NOSTRIN: variants seen among roughly 807,000 people sequenced by gnomAD.
NOSTRIN encodes the protein BM247 homolog.
NOSTRIN carries 63 observed loss-of-function variants against 59.0 expected under a neutral mutation model. The observed-to-expected ratio is 1.07, with a 90% CI of 0.87 to 1.32. The LOEUF is 1.32. Among genes scored for constraint, NOSTRIN ranks in the 40% most tolerant of loss-of-function variants. The pLI is 0.00. For missense variants in NOSTRIN, 512 were observed against 473.1 expected (o/e 1.08, Z -0.76); for synonymous variants, 200 against 165.4 (o/e 1.21, Z -1.61).
chr2:168,797,328 C>T (rs974810454), upstream of NOSTRIN, among the ~76,000 whole-genome samples: 1 of 151,990 alleles, frequency 6.6e-6, no homozygotes, highest in Non-Finnish European at 1.5e-5. Flanking sequence ...AACTCCTGGG[C>T]TCAAGCAACC....
At chr2:168,793,154 T>C (rs770343249), upstream of NOSTRIN, among the ~76,000 whole-genome samples, 4 of 152,202 alleles carry the variant, frequency 2.6e-5, no homozygotes, top group Non-Finnish European at 4.4e-5. Flanking sequence ...CCAGTCTTGC[T>C]GGTTCCATTT....
upstream of NOSTRIN, chr2:168,801,276 A>T (rs1456684507): frequency 7.6e-5 from 11 of 145,132 alleles, no homozygotes; most frequent in Non-Finnish European, 1.2e-4. Flanking sequence ...TTTTTTTTAG[A>T]AGTAGAGTCT....
intron 1 of NOSTRIN, among the ~76,000 whole-genome samples, chr2:168,804,680 G>T (rs547834658): frequency 6.6e-6 from 1 of 152,084 alleles, no homozygotes; most frequent in African/African-American, 2.4e-5. Flanking sequence ...AGTTCATAAA[G>T]TATTAGCTTA....
chr2:168,798,931 A>G (rs1411722251), upstream of NOSTRIN, among the ~76,000 whole-genome samples: 1 of 152,096 alleles, frequency 6.6e-6, no homozygotes, highest in Non-Finnish European at 1.5e-5. Flanking sequence ...CAGAGAGGGG[A>G]GTATGGGGCT....
At chr2:168,791,686 A>T (rs1371949573) in intron 2 of NOSTRIN, among the ~76,000 whole-genome samples, 1 of 152,116 alleles carries the variant, frequency 6.6e-6, no homozygotes, top group Non-Finnish European at 1.5e-5. Flanking sequence ...TCACCATTCT[A>T]ACTGGTGTGA....
chr2:168,795,797 T>C (rs1685463811), upstream of NOSTRIN, among the ~76,000 whole-genome samples: 1 of 152,208 alleles, frequency 6.6e-6, no homozygotes, highest in African/African-American at 2.4e-5. Context: ...AGCATAAAAG[T>C]TACCTTAGAT....
chr2:168,856,915 G>A (rs1689160436), intron 12 of NOSTRIN, 137 bp downstream of exon 12: 2 of 718,098 alleles, frequency 2.8e-6, no homozygotes, highest in South Asian at 1.8e-5. Context: ...GAGCTTATAG[G>A]GTCAGCTTCA....
chr2:168,832,824 G>A (rs1687442340), intron 6 of NOSTRIN, among the ~76,000 whole-genome samples: 1 of 152,104 alleles, frequency 6.6e-6, no homozygotes, highest in Non-Finnish European at 1.5e-5. Context: ...GTCTTGCTAT[G>A]TTGCCCAGGC....
chr2:168,817,656 G>A (rs1686485770), intron 2 of NOSTRIN, among the ~76,000 whole-genome samples: 1 of 152,148 alleles, frequency 6.6e-6, no homozygotes. Context: ...AGGCTCTGAA[G>A]TTCTAGAGCT....
At chr2:168,809,470 T>C (rs1409916688) in intron 1 of NOSTRIN, among the ~76,000 whole-genome samples, 1 of 152,180 alleles carries the variant, frequency 6.6e-6, no homozygotes, top group Non-Finnish European at 1.5e-5. Context: ...GGCATTTTCT[T>C]CTCATGACAC....
At chr2:168,860,772 G>T in intron 13 of NOSTRIN, 23 bp from the exon 14 acceptor site, 1 of 1,385,662 alleles carries the variant, frequency 7.2e-7, no homozygotes, top group South Asian at 1.2e-5. Context: ...TACAAAATAT[G>T]ACTTTTTATG....
chr2:168,864,640 T>G (rs62176769), intron 15 of NOSTRIN, among the ~76,000 whole-genome samples, 194 bp from the exon 16 acceptor site: 16,101 of 152,232 alleles, frequency 0.11, 1,549 homozygotes, highest in African/African-American at 0.26. Flanking sequence ...ATTATCTTAC[T>G]CTTTTTAGTA....
intron 11 of NOSTRIN, chr2:168,855,729 A>C (rs1689060309): frequency 2.3e-6 from 1 of 427,076 alleles, no homozygotes; most frequent in Non-Finnish European, 4.2e-6. Flanking sequence ...GTAGCATTTT[A>C]ACTGTGTTTC....
chr2:168,815,787 T>C (rs1017428827), intron 2 of NOSTRIN, among the ~76,000 whole-genome samples: 4 of 152,208 alleles, frequency 2.6e-5, no homozygotes, highest in African/African-American at 9.7e-5. Context: ...CACAGTATAT[T>C]GGACATCTCC....
chr2:168,833,508 C>G (rs779670432), intron 6 of NOSTRIN, among the ~76,000 whole-genome samples: 1 of 152,222 alleles, frequency 6.6e-6, no homozygotes. Context: ...CCTGAACAGG[C>G]TAAATCCAAC....
At chr2:168,834,542 C>CACACACACACACACCA (rs1553527195) in intron 7 of NOSTRIN, among the ~76,000 whole-genome samples, 2 of 105,614 alleles carry the variant, frequency 1.9e-5, no homozygotes, top group Admixed American at 8.3e-5. Flanking sequence ...CACACACACA[C>CACACACACACACACCA]CACATACATT....
chr2:168,807,373 A>G (rs1408809409), intron 1 of NOSTRIN, among the ~76,000 whole-genome samples: 1 of 152,250 alleles, frequency 6.6e-6, no homozygotes, highest in East Asian at 1.9e-4. Flanking sequence ...GTCTCAGTAG[A>G]TGGTACATAA....
At chr2:168,834,509 A>ACG (rs1466856410) in intron 7 of NOSTRIN, among the ~76,000 whole-genome samples, 184 bp downstream of exon 7, 621 of 41,698 alleles carry the variant, frequency 0.015, 2 homozygotes, top group Admixed American at 0.051. Context: ...GCGCGCGCGC[A>ACG]CACACACACA....
chr2:168,798,813 C>CGATA (rs57650807), upstream of NOSTRIN, among the ~76,000 whole-genome samples: 41,004 of 149,200 alleles, frequency 0.27, 6,012 homozygotes, highest in African/African-American at 0.37. Flanking sequence ...ATCGATCGAT[C>CGATA]GATAGATAGA....
Sources: allele counts gnomAD v4.1 joint callset (sites outside exome capture counted in the v4.1 genomes callset), GRCh38; gene constraint gnomAD v4.1.1; transcripts MANE v1.5; gene names NCBI Gene and HGNC (gene_info 2026-07-23, HGNC 2026-07-21).